VWA8: variants seen among roughly 807,000 people sequenced by gnomAD.
The protein encoded by VWA8 is von Willebrand factor A domain-containing protein 8.
Under a neutral mutation model 241.5 loss-of-function variants are expected in VWA8, and 221 were observed. That is an observed-to-expected ratio of 0.91 (90% CI 0.82 to 1.02). VWA8 has a LOEUF of 1.02. VWA8 is among the 50% of genes least tolerant of loss of function. The pLI is 0.00. For synonymous variants in VWA8, 852 were observed against 827.1 expected (o/e 1.03, Z -0.52); for missense variants, 2,322 against 2,328.7 (o/e 1.00, Z 0.06).
rs1371575473 is a variant in VWA8 at position 41,664,955 on chromosome 13, C to T, written c.4611+5991G>A. 2.0e-5 allele frequency among the ~76,000 whole-genome samples: 3 copies of T among 152,118 alleles called. No homozygotes were observed. The East Asian group carries it at 5.8e-4, about 29-fold the overall frequency. On this transcript the variant is annotated intron_variant, in intron 37 of 44. Coordinates refer to ENST00000379310, the MANE Select transcript of VWA8 (RefSeq NM_015058.2). ...GCTAAACACTATAATCCTCTGCTGACAATTGTCCTATCATTGATTTCCTGC... is the reference window on the plus strand; with the variant it reads ...GCTAAACACTATAATCCTCTGCTGATAATTGTCCTATCATTGATTTCCTGC...
At chr13:41,902,537 G>T (rs1875506879) in intron 4 of VWA8, among the ~76,000 whole-genome samples, 1 of 152,006 alleles carries the variant, frequency 6.6e-6, no homozygotes, top group Non-Finnish European at 1.5e-5. Flanking sequence ...TGGTTTATTT[G>T]TTCACTGCAT....
At chr13:41,596,788 TACACACACACACACAC>T (rs142774673) in intron 40 of VWA8, among the ~76,000 whole-genome samples, 129 of 137,002 alleles carry the variant, frequency 9.4e-4, no homozygotes, top group African/African-American at 1.8e-3. Context: ...AACCAGAAAG[TACACACACACACACAC>T]ACACACACAC....
At chr13:41,824,373 G>A (rs985858782) in intron 14 of VWA8, among the ~76,000 whole-genome samples, 3 of 152,124 alleles carry the variant, frequency 2.0e-5, no homozygotes, top group South Asian at 2.1e-4. Flanking sequence ...CTATGTGTGC[G>A]GAGAGGAAGG....
chr13:41,659,406 T>A (rs564302556), intron 37 of VWA8, among the ~76,000 whole-genome samples: 161 of 152,370 alleles, frequency 1.1e-3, no homozygotes, highest in African/African-American at 3.6e-3. Context: ...TTAAATGAAT[T>A]AAAAGCCTGC....
chr13:41,590,865 T>A (rs1445515404), intron 40 of VWA8, 100 bp from the exon 41 acceptor site: 1 of 1,468,864 alleles, frequency 6.8e-7, no homozygotes, highest in African/African-American at 1.4e-5. Flanking sequence ...TGGGATCTTT[T>A]CAGTAAGTGA....
intron 9 of VWA8, among the ~76,000 whole-genome samples, chr13:41,869,457 A>T (rs1478478009): frequency 6.6e-6 from 1 of 151,828 alleles, no homozygotes. Context: ...AACATGGTGA[A>T]ACCCTGTCTA....
chr13:41,960,706 G>A, intron 1 of VWA8, 147 bp downstream of exon 1: 3 of 1,210,898 alleles, frequency 2.5e-6, no homozygotes, highest in Non-Finnish European at 3.3e-6. Flanking sequence ...GCCGAGGTCG[G>A]GACTAGAACC....
intron 21 of VWA8, among the ~76,000 whole-genome samples, chr13:41,749,571 C>T (rs546313690): frequency 6.6e-6 from 1 of 151,924 alleles, no homozygotes; most frequent in African/African-American, 2.4e-5. Context: ...TTTACTGCGG[C>T]ACCACTCACA....
intron 12 of VWA8, among the ~76,000 whole-genome samples, chr13:41,855,904 T>C (rs1424673694): frequency 6.6e-6 from 1 of 152,222 alleles, no homozygotes; most frequent in South Asian, 2.1e-4. Context: ...TCTACTATAA[T>C]AGCAGAGTTG....
At position 41,721,359 on chromosome 13, in the gene VWA8, G is replaced by C. The variant is rs183990331; in HGVS notation, c.2964+11C>G. 1 of 1,611,536 alleles carries C rather than the reference G, an allele frequency of 6.2e-7. No homozygotes were observed. Among genetic ancestry groups the C allele is most frequent in the Admixed American group, 1.7e-5 (1 of 59,976 alleles). On this transcript the variant is annotated intron_variant, in intron 25 of 44. Coordinates refer to ENST00000379310, the MANE Select transcript of VWA8 (RefSeq NM_015058.2). ...TGATGGCTCTTAGGTACAGGTGTGT[G>C]CCATACCTACCTGTAAATGTTTGAC...
At position 41,701,640 on chromosome 13, in the gene VWA8, G is replaced by C. The variant is rs1055568407; in HGVS notation, c.3226-110C>G. On this transcript the variant is annotated intron_variant, in intron 27 of 44. Coordinates refer to ENST00000379310, the MANE Select transcript of VWA8 (RefSeq NM_015058.2). ...TTAACATTCAAGTATTTAATATCCTGCTATACCTTTTTTCAATTTATTGAC... is the reference window on the plus strand; with the variant it reads ...TTAACATTCAAGTATTTAATATCCTCCTATACCTTTTTTCAATTTATTGAC... 5 of 1,035,214 alleles carry C rather than the reference G, an allele frequency of 4.8e-6. No homozygotes were observed. The African/African-American group carries it at 8.3e-5, about 17-fold the overall frequency. The allele number at this position is 1,035,214 out of a possible 1,614,324, so 64.1% of individuals were successfully genotyped here. A position where few individuals can be genotyped will look rare whatever the true frequency, so the allele number is the denominator to read the frequency against.
chr13:41,828,154 A>G (rs751062420), intron 14 of VWA8, among the ~76,000 whole-genome samples: 4 of 152,260 alleles, frequency 2.6e-5, no homozygotes, highest in Non-Finnish European at 5.9e-5. Flanking sequence ...GCAGCTGTGT[A>G]ATCAAGTGAC....
chr13:41,714,253 T>A (rs1038189227), intron 26 of VWA8, among the ~76,000 whole-genome samples: 5 of 152,012 alleles, frequency 3.3e-5, no homozygotes, highest in African/African-American at 1.2e-4. Flanking sequence ...TGTTAAATAA[T>A]AGCTAGTTTG....
chr13:41,901,414 T>C (rs1021040074), intron 4 of VWA8, among the ~76,000 whole-genome samples: 1 of 152,164 alleles, frequency 6.6e-6, no homozygotes, highest in Non-Finnish European at 1.5e-5. Context: ...TGTTACTTAA[T>C]CTGTAAGATG....
chr13:41,761,991 G>C (rs1253010396), intron 20 of VWA8, among the ~76,000 whole-genome samples: 1 of 152,074 alleles, frequency 6.6e-6, no homozygotes, highest in East Asian at 1.9e-4. Context: ...ATACATGCTA[G>C]CAAAAATAAC....
In VWA8 at chr13:41,912,250, TA is replaced by T. The variant is rs1300719599; in HGVS notation, c.242-83del. On this transcript the variant is annotated intron_variant, in intron 2 of 44. Transcript: ENST00000379310. Reference sequence around the variant, plus strand: ...TCTCCAAGTAATGTGGACATATTTATATATATATATAACGTATATAAAATAT... The same window carrying T: ...TCTCCAAGTAATGTGGACATATTTATTATATATATAACGTATATAAAATAT... 2.2e-5 allele frequency: 21 copies of T among 968,860 alleles called. No individual in the cohort carries two copies. The East Asian group carries it at 5.9e-4, about 27-fold the overall frequency. 60.0% of individuals were successfully genotyped at this position (968,860 alleles called of 1,614,324 possible).
Position 41,949,934 on chromosome 13 carries a change from A to G in VWA8, c.241+2T>C. 1 of 1,537,610 alleles carries G rather than the reference A, an allele frequency of 6.5e-7. No homozygotes were observed. ...ATTCATATATTAATAAATATTTCTT[A>G]CTGTAGTTCTGTGGCACAAGTTCTG... is the stretch of plus-strand genomic sequence containing the variant. On this transcript the variant is annotated splice_donor_variant, in intron 2 of 44. Coordinates refer to ENST00000379310, the MANE Select transcript of VWA8 (RefSeq NM_015058.2). LOFTEE classifies it high-confidence loss of function.
rs565421304 is a variant in VWA8, at chr13:41,881,979, C to G, written c.1080+1408G>C. Reference sequence around the variant, plus strand: ...CTCACTTCCCAGACAGGGTGACTGCCGGGACGGAGGGGCTCCTCACTTCTC... The same window carrying G: ...CTCACTTCCCAGACAGGGTGACTGCGGGGACGGAGGGGCTCCTCACTTCTC... On this transcript the variant is annotated intron_variant, in intron 9 of 44. Transcript: ENST00000379310. Among the ~76,000 whole-genome samples the G allele has an allele frequency of 1.0e-3, 157 of 151,330 alleles. 1 individual carries two copies. The highest frequency in any genetic ancestry group is 2.9e-3 in the Admixed American group (44 of 15,252).
At chr13:41,661,329 C>T (rs2044948834) in intron 37 of VWA8, among the ~76,000 whole-genome samples, 1 of 152,190 alleles carries the variant, frequency 6.6e-6, no homozygotes, top group African/African-American at 2.4e-5. Context: ...TTTAACTCCA[C>T]TGGCATTTTC....
Sources: allele counts gnomAD v4.1 joint callset (sites outside exome capture counted in the v4.1 genomes callset), GRCh38; gene constraint gnomAD v4.1.1; transcripts MANE v1.5; gene names NCBI Gene and HGNC (gene_info 2026-07-23, HGNC 2026-07-21).